DTWD2: variants seen among roughly 807,000 people sequenced by gnomAD.
DTWD2 encodes tRNA-uridine aminocarboxypropyltransferase 2.
DTWD2 carries 39 observed loss-of-function variants against 31.8 expected under a neutral mutation model. That is an observed-to-expected ratio of 1.22 (90% CI 0.95 to 1.60). The LOEUF is 1.60. Ranked by LOEUF, DTWD2 falls within the 40% of genes most tolerant of loss-of-function variation. DTWD2 has a pLI of 0.00. For synonymous variants in DTWD2, 180 were observed against 142.8 expected, an observed-to-expected ratio of 1.26 and a Z score of -1.86; for missense variants, 515 against 381.5, an observed-to-expected ratio of 1.35 and a Z score of -2.92.
intron 4 of DTWD2, among the ~76,000 whole-genome samples, chr5:118,922,833 G>C (rs10519564): frequency 0.27 from 40,965 of 151,990 alleles, 9,838 homozygotes; most frequent in African/African-American, 0.65. Context: ...TTGTCAATAA[G>C]GGTATCACTC....
At chr5:118,855,746 T>C (rs1293008756) in intron 4 of DTWD2, among the ~76,000 whole-genome samples, 1 of 152,182 alleles carries the variant, frequency 6.6e-6, no homozygotes, top group African/African-American at 2.4e-5. Flanking sequence ...TCTATAATTA[T>C]CTTTTCTAAA....
intron 4 of DTWD2, among the ~76,000 whole-genome samples, chr5:118,906,689 G>C (rs1339068464): frequency 6.6e-6 from 1 of 152,106 alleles, no homozygotes; most frequent in East Asian, 1.9e-4. Context: ...ACAGGGAAAG[G>C]GTAGGAAGAA....
intron 1 of DTWD2, among the ~76,000 whole-genome samples, chr5:118,963,686 C>T (rs1454317284): frequency 6.6e-6 from 1 of 152,114 alleles, no homozygotes; most frequent in East Asian, 1.9e-4. Flanking sequence ...AAATTCATTG[C>T]CGAGTGATGG....
chr5:118,946,984 C>T (rs1163100776), intron 1 of DTWD2, among the ~76,000 whole-genome samples: 10 of 152,166 alleles, frequency 6.6e-5, no homozygotes, highest in South Asian at 2.1e-4. Flanking sequence ...TCAAGTGATC[C>T]GCCCACCTCA....
intron 1 of DTWD2, among the ~76,000 whole-genome samples, chr5:118,965,554 G>T (rs1326412937): frequency 6.6e-6 from 1 of 152,208 alleles, no homozygotes; most frequent in Non-Finnish European, 1.5e-5. Flanking sequence ...GTAGACATAG[G>T]AGACTCCATT....
chr5:118,883,852 C>CT (rs1380119807), intron 4 of DTWD2, among the ~76,000 whole-genome samples: 2 of 152,080 alleles, frequency 1.3e-5, no homozygotes, highest in African/African-American at 4.8e-5. Flanking sequence ...ATTTCAAAAT[C>CT]TTTTTACAGG....
rs542570450 is a variant in DTWD2 at position 118,944,586 on chromosome 5, G to A, written c.282C>T (p.His94=). ...LPAHPLHIST[H]LYIIQHPAEE... is the part of the protein sequence containing the mutation. ...CTGCTGGATGCTGAATTATGTACAA[G>A]TGGGTAGAGATATGCAGAGGGTGCG... The change falls in exon 2 of 6, where the codon CAC becomes CAT. Residue 94 remains histidine, a synonymous_variant. Transcript: ENST00000510708. 18 of 1,613,560 alleles carry A rather than the reference G, an allele frequency of 1.1e-5. No homozygotes were observed. Among genetic ancestry groups the A allele is most frequent in the Non-Finnish European group, 1.5e-5 (18 of 1,179,706 alleles).
intron 1 of DTWD2, among the ~76,000 whole-genome samples, chr5:118,980,655 G>A (rs546014132): frequency 1.4e-4 from 21 of 152,304 alleles, no homozygotes; most frequent in South Asian, 1.0e-3. Context: ...ATGGATAATA[G>A]TAAGTGTTGG....
At chr5:118,985,470 C>A (rs1755401608) in intron 1 of DTWD2, among the ~76,000 whole-genome samples, 1 of 113,382 alleles carries the variant, frequency 8.8e-6, no homozygotes, top group Non-Finnish European at 1.9e-5. Flanking sequence ...AAGAAAAAGA[C>A]CACATGCTTA....
At position 118,974,163 on chromosome 5, in the gene DTWD2, C is replaced by T. The variant is rs1244201980; in HGVS notation, c.218+14131G>A. The T allele has an allele frequency of 2.8e-5, 43 of 1,514,066 alleles. 1 individual carries two copies. Among genetic ancestry groups the T allele is most frequent in the South Asian group, 6.0e-5 (5 of 83,294 alleles). 93.8% of individuals were successfully genotyped at this position (1,514,066 alleles called of 1,614,324 possible). A position where few individuals can be genotyped will look rare whatever the true frequency, so the allele number is the denominator to read the frequency against. On this transcript the variant is annotated intron_variant, in intron 1 of 5. Coordinates refer to ENST00000510708, the MANE Select transcript of DTWD2 (RefSeq NM_173666.4). ...GAAAAGTTAAACTAAAAAAAAAGGC[C>T]GCCTTGACCTATTCACCCTCCACTT...
chr5:118,857,772 G>A (rs1043541209), intron 4 of DTWD2, among the ~76,000 whole-genome samples: 5 of 152,204 alleles, frequency 3.3e-5, no homozygotes, highest in Non-Finnish European at 7.4e-5. Context: ...CCACTAGCCA[G>A]AGTGGAAAAT....
chr5:118,968,582 C>A (rs1382003951), intron 1 of DTWD2, among the ~76,000 whole-genome samples: 1 of 152,178 alleles, frequency 6.6e-6, no homozygotes, highest in Non-Finnish European at 1.5e-5. Context: ...CGACCCCACC[C>A]AGGAAACCAC....
At chr5:118,911,053 G>T (rs537344428) in intron 4 of DTWD2, among the ~76,000 whole-genome samples, 1 of 152,214 alleles carries the variant, frequency 6.6e-6, no homozygotes, top group African/African-American at 2.4e-5. Context: ...ATAAAAATTC[G>T]AGCACAGCAC....
intron 4 of DTWD2, among the ~76,000 whole-genome samples, chr5:118,924,793 A>G (rs1166840371): frequency 6.6e-6 from 1 of 152,162 alleles, no homozygotes; most frequent in Non-Finnish European, 1.5e-5. Flanking sequence ...CTCTAACAAG[A>G]TGGGTTCAAA....
chr5:118,940,222 G>C (rs1284571369), intron 2 of DTWD2, among the ~76,000 whole-genome samples: 1 of 152,146 alleles, frequency 6.6e-6, no homozygotes, highest in East Asian at 1.9e-4. Context: ...TTGTTGCCAC[G>C]AGAATTCTAC....
chr5:118,967,317 G>T (rs1333216973), intron 1 of DTWD2, among the ~76,000 whole-genome samples: 1 of 152,162 alleles, frequency 6.6e-6, no homozygotes, highest in Non-Finnish European at 1.5e-5. Context: ...GTATATGCAT[G>T]GGTTAGTATA....
intron 1 of DTWD2, among the ~76,000 whole-genome samples, chr5:118,982,935 C>T (rs773734598): frequency 3.3e-5 from 5 of 151,924 alleles, no homozygotes; most frequent in African/African-American, 7.3e-5. Context: ...GTGATCCATC[C>T]GCCTCAGCCT....
chr5:118,897,423 G>C (rs559602118), intron 4 of DTWD2, among the ~76,000 whole-genome samples: 8 of 152,312 alleles, frequency 5.3e-5, no homozygotes, highest in African/African-American at 1.9e-4. Flanking sequence ...CAGACTCCCA[G>C]AAGAAAACTG....
chr5:118,986,722 T>C (rs116097213), intron 1 of DTWD2, among the ~76,000 whole-genome samples: 1 of 152,158 alleles, frequency 6.6e-6, no homozygotes, highest in Non-Finnish European at 1.5e-5. Context: ...TAGAATTATA[T>C]TCTACCTAGT....
Sources: gnomAD v4.1 joint callset for allele counts (sites outside exome capture counted in the v4.1 genomes callset) on GRCh38, gnomAD v4.1.1 for gene constraint, MANE v1.5 for transcripts, NCBI Gene and HGNC (gene_info 2026-07-23, HGNC 2026-07-21) for gene names.